The following LYN variants were observed in gnomAD, a reference collection of about 807,000 sequenced individuals.
LYN encodes the protein tyrosine-protein kinase Lyn.
A neutral mutation model predicts 65.0 loss-of-function variants in LYN; 12 were observed. The ratio of observed to expected loss-of-function variants is 0.18; its 90% CI spans 0.12 to 0.30. LYN has a LOEUF of 0.30. LYN is among the 10% of genes least tolerant of loss of function. The pLI is 1.00. For synonymous variants in LYN, 222 were observed against 221.2 expected (o/e 1.00, Z -0.03); for missense variants, 380 against 623.2 (o/e 0.61, Z 4.16).
intron 1 of LYN, among the ~76,000 whole-genome samples, chr8:55,913,160 G>A (rs976736626): frequency 2.6e-5 from 4 of 152,046 alleles, no homozygotes; most frequent in Admixed American, 6.6e-5. Flanking sequence ...TCCTGTGTTC[G>A]CTTCCTTTTC....
At chr8:55,900,945 A>G (rs1483414608) in intron 1 of LYN, among the ~76,000 whole-genome samples, 1 of 152,148 alleles carries the variant, frequency 6.6e-6, no homozygotes, top group African/African-American at 2.4e-5. Flanking sequence ...AACAACAAAA[A>G]GAAGGATAAT....
chr8:55,910,727 C>T (rs1805575213), intron 1 of LYN, among the ~76,000 whole-genome samples: 2 of 151,932 alleles, frequency 1.3e-5, no homozygotes, highest in South Asian at 4.1e-4. Flanking sequence ...GTATTTTCTT[C>T]CCAATAAGGC....
At chr8:55,946,543 G>T in intron 3 of LYN, 50 bp downstream of exon 3, 1 of 1,145,662 alleles carries the variant, frequency 8.7e-7, no homozygotes, top group Non-Finnish European at 1.3e-6. Context: ...TACTATTAGA[G>T]CTTCTATAAA....
chr8:55,898,815 G>A (rs555094290), intron 1 of LYN, among the ~76,000 whole-genome samples: 5 of 152,062 alleles, frequency 3.3e-5, no homozygotes, highest in Non-Finnish European at 5.9e-5. Context: ...ATAAATTTTA[G>A]GAAACTGGTT....
chr8:56,003,236 T>A (rs1256940597), intron 12 of LYN, among the ~76,000 whole-genome samples: 2 of 152,002 alleles, frequency 1.3e-5, no homozygotes, highest in Non-Finnish European at 2.9e-5. Context: ...ATTTTTTTTT[T>A]ATTTTTACTA....
At chr8:56,009,689 C>CTG (rs1356411190) in intron 12 of LYN, among the ~76,000 whole-genome samples, 1 of 152,168 alleles carries the variant, frequency 6.6e-6, no homozygotes. Flanking sequence ...AAGGCCTTAT[C>CTG]TCTAAATATG....
chr8:55,922,906 T>C (rs1376752990), intron 1 of LYN, among the ~76,000 whole-genome samples: 1 of 152,086 alleles, frequency 6.6e-6, no homozygotes, highest in Admixed American at 6.5e-5. Context: ...GTTGTAGCAA[T>C]TAATATTAGG....
chr8:55,950,493 AC>A lies in LYN; in HGVS notation c.320del (p.Thr107LysfsTer18). On this transcript the variant is annotated frameshift_variant, in exon 5 of 13. Coordinates refer to ENST00000519728, the MANE Select transcript of LYN (RefSeq NM_002350.4). LOFTEE classifies it high-confidence loss of function. ...GEWWKAKSLLTKKEGFIPSNY... is the reference protein window; with the variant it reads ...GEWWKAKSLLXKKEGFIPSNY... Reference sequence around the variant, plus strand: ...ATGGTGGAAAGCAAAGTCCCTTTTAACAAAAAAAGAAGGCTTCATCCCCAGC... The same window carrying A: ...ATGGTGGAAAGCAAAGTCCCTTTTAAAAAAAAAGAAGGCTTCATCCCCAGC... 1 of 1,613,346 alleles carries A rather than the reference AC, an allele frequency of 6.2e-7. No homozygotes were observed. The highest frequency in any genetic ancestry group is 8.5e-7 in the Non-Finnish European group (1 of 1,179,850).
intron 10 of LYN, among the ~76,000 whole-genome samples, chr8:55,992,314 C>G (rs1295647421): frequency 6.6e-6 from 1 of 152,184 alleles, no homozygotes; most frequent in Non-Finnish European, 1.5e-5. Flanking sequence ...GGGAGAGGAG[C>G]TGAGGCCTGA....
rs759549120 is a variant in LYN at position 55,999,464 on chromosome 8, T to C, written c.1251T>C (p.Phe417=). 35 of 1,613,822 alleles carry C rather than the reference T, an allele frequency of 2.2e-5. No individual in the cohort carries two copies. The highest frequency in any genetic ancestry group is 4.5e-5 in the East Asian group (2 of 44,878). Reference sequence around the variant, plus strand: ...GGACGGCTCCAGAAGCAATCAACTTTGGATGTTTCACTATTAAGTCTGATG... The same window carrying C: ...GGACGGCTCCAGAAGCAATCAACTTCGGATGTTTCACTATTAAGTCTGATG... ...IKWTAPEAIN[F]GCFTIKSDVW... is the part of the protein sequence containing the mutation. Residue 417 remains phenylalanine (F), a synonymous_variant, in exon 12 of 13, where the codon TTT becomes TTC. Coordinates refer to ENST00000519728, the MANE Select transcript of LYN (RefSeq NM_002350.4).
intron 6 of LYN, among the ~76,000 whole-genome samples, chr8:55,951,579 C>T (rs151086117): frequency 6.6e-6 from 1 of 151,376 alleles, no homozygotes; most frequent in Non-Finnish European, 1.5e-5. Context: ...GTAGAAAGAT[C>T]GTTTGAGCCC....
chr8:55,924,870 GTC>G (rs1346256576), intron 1 of LYN, among the ~76,000 whole-genome samples: 2 of 152,034 alleles, frequency 1.3e-5, no homozygotes, highest in Non-Finnish European at 2.9e-5. Context: ...TTGAGATGGA[GTC>G]TCTCTGTTGC....
intron 1 of LYN, among the ~76,000 whole-genome samples, chr8:55,889,582 G>A (rs1804894649): frequency 6.6e-6 from 1 of 152,170 alleles, no homozygotes; most frequent in South Asian, 2.1e-4. Flanking sequence ...TAAGTGGGAG[G>A]TTTCTATCCT....
chr8:55,899,234 A>G (rs1805195263), intron 1 of LYN, among the ~76,000 whole-genome samples: 1 of 152,198 alleles, frequency 6.6e-6, no homozygotes, highest in Non-Finnish European at 1.5e-5. Flanking sequence ...AATTCCTTAA[A>G]AGGTGTAATA....
chr8:55,953,629 A>G (rs972027410), intron 7 of LYN, among the ~76,000 whole-genome samples: 3 of 152,174 alleles, frequency 2.0e-5, no homozygotes, highest in African/African-American at 7.2e-5. Context: ...CCTGGGCAAT[A>G]GGAGTGAAAC....
chr8:55,969,139 G>A (rs1312327036), intron 9 of LYN, among the ~76,000 whole-genome samples: 3 of 152,222 alleles, frequency 2.0e-5, no homozygotes, highest in Non-Finnish European at 2.9e-5. Flanking sequence ...TTAGCTGGGT[G>A]TGATGGCATG....
Position 56,010,605 on chromosome 8 carries a change from AT to A in LYN, c.*499del, listed in dbSNP as rs1184522610. The stretch of plus-strand genomic sequence containing the variant: ...AAAAAAAACTAATCCAACCTGTTAG[AT>A]TTTGCAGGTGAAGTCAGCAGCTTAA... On this transcript the variant is annotated 3_prime_UTR_variant, in exon 13 of 13. Transcript: ENST00000519728. The A allele has an allele frequency of 3.9e-5, 9 of 232,014 alleles. No individual in the cohort carries two copies. Among genetic ancestry groups the A allele is most frequent in the Non-Finnish European group, 7.7e-5 (9 of 117,182 alleles). The allele number at this position is 232,014 out of a possible 1,614,324, so 14.4% of individuals were successfully genotyped here. A position where few individuals can be genotyped will look rare whatever the true frequency, so the allele number is the denominator to read the frequency against.
chr8:56,007,634 GTGT>G (rs1808706581), intron 12 of LYN, among the ~76,000 whole-genome samples: 1 of 152,176 alleles, frequency 6.6e-6, no homozygotes, highest in Non-Finnish European at 1.5e-5. Context: ...AAAGGTCACT[GTGT>G]CCTTAGATGA....
intron 1 of LYN, among the ~76,000 whole-genome samples, chr8:55,923,635 GT>G (rs1806006148): frequency 2.6e-5 from 4 of 152,088 alleles, no homozygotes; most frequent in African/African-American, 9.7e-5. Flanking sequence ...CGCCTCCTGG[GT>G]TCAAGCGATT....
Sources: gnomAD v4.1 joint callset for allele counts (sites outside exome capture counted in the v4.1 genomes callset) on GRCh38, gnomAD v4.1.1 for gene constraint, MANE v1.5 for transcripts, NCBI Gene and HGNC (gene_info 2026-07-23, HGNC 2026-07-21) for gene names.